APEH: variants seen among roughly 807,000 people sequenced by gnomAD.
The protein encoded by APEH is acylaminoacyl-peptide hydrolase.
APEH carries 75 observed loss-of-function variants against 102.7 expected under a neutral mutation model. The ratio of observed to expected loss-of-function variants is 0.73; its 90% CI spans 0.61 to 0.89. The LOEUF (loss-of-function observed/expected upper bound fraction) is 0.89, where lower values mean the gene tolerates loss of function less well. Ranked by LOEUF, APEH falls within the 40% of genes least tolerant of loss-of-function variation. APEH has a pLI of 0.00. For missense variants in APEH, 863 were observed against 941.2 expected (o/e 0.92, Z 1.09); for synonymous variants, 344 against 362.7 (o/e 0.95, Z 0.59).
chr3:49,683,452 T>G lies in APEH; in HGVS notation c.*110T>G. 1 of 904,882 alleles carries G rather than the reference T, an allele frequency of 1.1e-6. No individual in the cohort carries two copies. The highest frequency in any genetic ancestry group is 1.4e-5 in the South Asian group (1 of 71,484). The allele number at this position is 904,882 out of a possible 1,614,324, so 56.1% of individuals were successfully genotyped here. A position where few individuals can be genotyped will look rare whatever the true frequency, so the allele number is the denominator to read the frequency against. ...CTTTCTGGGCTCTGGACTCCACGGA[T>G]GCGTGGGCAGAGGAATGTGGGCTAT... On this transcript the variant is annotated 3_prime_UTR_variant, in exon 22 of 22. Coordinates refer to ENST00000296456, the MANE Select transcript of APEH (RefSeq NM_001640.4).
At chr3:49,680,719 T>C in intron 14 of APEH, 90 bp downstream of exon 14, 1 of 1,210,668 alleles carries the variant, frequency 8.3e-7, no homozygotes. Flanking sequence ...GAGTCTGACC[T>C]GGCTGGTCAG....
chr3:49,675,722 A>T lies in APEH; in HGVS notation c.301A>T (p.Thr101Ser). 6.2e-7 allele frequency: 1 copy of T among 1,614,022 alleles called. No individual in the cohort carries two copies. The highest frequency in any genetic ancestry group is 8.5e-7 in the Non-Finnish European group (1 of 1,179,996). The part of the protein sequence containing the change: ...ELLSRESPSG[T>S]MKAVLRKAGG... The stretch of plus-strand genomic sequence containing the variant: ...GCTGAGCAGAGAGTCTCCTTCAGGC[A>T]CCATGAAAGCTGTGCTGCGCAAGGC... The change falls in exon 4 of 22, where the codon ACC becomes TCC. Residue 101 changes from threonine to serine, a missense_variant. Thr to Ser is a moderately conservative substitution (Grantham distance 58). Coordinates refer to ENST00000296456, the MANE Select transcript of APEH (RefSeq NM_001640.4).
Position 49,674,471 on chromosome 3 carries a change from G to T in APEH, c.13-18G>T, listed in dbSNP as rs561579454. The T allele has an allele frequency of 5.1e-6, 8 of 1,570,852 alleles. No homozygotes were observed. In the South Asian group the frequency reaches 9.2e-5, roughly 18 times the overall value. On this transcript the variant is annotated intron_variant, in intron 1 of 21. Coordinates refer to ENST00000296456, the MANE Select transcript of APEH (RefSeq NM_001640.4). Reference sequence around the variant, plus strand: ...TGCAGCCCGGGCCGGGCCTGACCCTGGTGTGTCCCCTGCGCAGGTGCTGCT... The same window carrying T: ...TGCAGCCCGGGCCGGGCCTGACCCTTGTGTGTCCCCTGCGCAGGTGCTGCT...
intron 11 of APEH, 81 bp from the exon 12 acceptor site, chr3:49,678,771 C>A: frequency 8.2e-7 from 1 of 1,212,502 alleles, no homozygotes. Flanking sequence ...TGGGTGAATT[C>A]CCCAGTACCC....
Position 49,679,710 on chromosome 3 carries a change from G to C in APEH, c.1210+66G>C, listed in dbSNP as rs2053232452. On this transcript the variant is annotated intron_variant, in intron 13 of 21. Coordinates refer to ENST00000296456, the MANE Select transcript of APEH (RefSeq NM_001640.4). The surrounding 1 kb of genome is among the most constrained non-coding windows in gnomAD (Gnocchi z 4.3). ...TGAGCAAGCCAACCAGGCAGCGGGG[G>C]ACTGGAGCTCCAACATGTGGGGCAG... 1 of 1,514,258 alleles carries C rather than the reference G, an allele frequency of 6.6e-7. No individual in the cohort carries two copies. Among genetic ancestry groups the C allele is most frequent in the African/African-American group, 1.4e-5 (1 of 72,842 alleles). 93.8% of individuals were successfully genotyped at this position (1,514,258 alleles called of 1,614,324 possible). A position where few individuals can be genotyped will look rare whatever the true frequency, so the allele number is the denominator to read the frequency against.
intron 11 of APEH, 83 bp from the exon 12 acceptor site, chr3:49,678,769 T>C: frequency 5.9e-6 from 7 of 1,191,844 alleles, no homozygotes; most frequent in Non-Finnish European, 7.4e-6. Flanking sequence ...CCTGGGTGAA[T>C]TCCCCAGTAC....
Position 49,680,613 on chromosome 3 carries a change from G to C in APEH, c.1283G>C (p.Ser428Thr). The C allele has an allele frequency of 1.2e-6, 2 of 1,614,034 alleles. No homozygotes were observed. Among genetic ancestry groups the C allele is most frequent in the Non-Finnish European group, 1.7e-6 (2 of 1,179,996 alleles). ...ATGGTGGCACAGTTTTCCACACCCA[G>C]CCTACCTCCAACCCTGGTGAGTGTC... ...DLMVAQFSTPSLPPTLKVGFL... is the reference protein window; with the variant it reads ...DLMVAQFSTPTLPPTLKVGFL... Residue 428 changes from serine (S) to threonine (T), a missense_variant, in exon 14 of 22, where the codon AGC becomes ACC. Ser to Thr is a moderately conservative substitution (Grantham distance 58). Coordinates refer to ENST00000296456, the MANE Select transcript of APEH (RefSeq NM_001640.4).
chr3:49,678,791 T>C, intron 11 of APEH, 61 bp from the exon 12 acceptor site: 1 of 1,411,838 alleles, frequency 7.1e-7, no homozygotes, highest in Non-Finnish European at 1.0e-6. Context: ...CTAGCCTTCC[T>C]TGTAGACTAC....
chr3:49,678,447 T>C (rs1010406120), intron 11 of APEH, among the ~76,000 whole-genome samples: 3 of 152,010 alleles, frequency 2.0e-5, no homozygotes, highest in African/African-American at 7.3e-5. Context: ...TATTAAAGGG[T>C]AGGATTTACT....
At position 49,675,921 on chromosome 3, in the gene APEH, T is replaced by C. The variant is rs1375798916; in HGVS notation, c.397T>C (p.Phe133Leu). The C allele has an allele frequency of 6.2e-7, 1 of 1,613,996 alleles. No individual in the cohort carries two copies. The highest frequency in any genetic ancestry group is 8.5e-7 in the Non-Finnish European group (1 of 1,180,018). The change falls in exon 5 of 22, where the codon TTC (phenylalanine) becomes CTC (leucine). Residue 133 changes from phenylalanine to leucine, a missense_variant. By Grantham distance (22) the Phe-to-Leu change is conservative. Coordinates refer to ENST00000296456, the MANE Select transcript of APEH (RefSeq NM_001640.4). ...GGAGAAGAACCGGAAGCTCAAGAGC[T>C]TCAACCTGTCAGCGCTGGAGAAACA... ...VWEKNRKLKS[F>L]NLSALEKHGP...
rs1243633367 is a variant in APEH at position 49,674,572 on chromosome 3, C to T, written c.96C>T (p.Gly32=). The change falls in exon 2 of 22, where the codon GGC becomes GGT. Residue 32 remains glycine (G), a synonymous_variant. Coordinates refer to ENST00000296456, the MANE Select transcript of APEH (RefSeq NM_001640.4). ...RQPALSAACL[G]PEVTTQYGGQ... ...CCGCGCTGAGCGCCGCCTGCCTGGG[C>T]CCGGAGGTCACCACGCAGTACGGCG... The T allele has an allele frequency of 1.3e-6, 2 of 1,573,156 alleles. No individual in the cohort carries two copies. The highest frequency in any genetic ancestry group is 2.3e-5 in the East Asian group (1 of 43,956).
At chr3:49,673,903 A>C, upstream of APEH, 1 of 159,384 alleles carries the variant, frequency 6.3e-6, no homozygotes, top group South Asian at 1.6e-4. Flanking sequence ...CTTGCCCTTC[A>C]TCCTCAAAGA....
chr3:49,683,056 T>TA lies in APEH; in HGVS notation c.2004dup (p.Leu669ThrfsTer72). On this transcript the variant is annotated frameshift_variant, in exon 21 of 22. Transcript: ENST00000296456. LOFTEE classifies it high-confidence loss of function. The stretch of plus-strand genomic sequence containing the variant: ...AACACCCAGGTGAAGACACCACTGT[T>TA]ACTGATGTTGGGCCAGGAGGACCGG... 6.2e-7 allele frequency: 1 copy of TA among 1,613,982 alleles called. No individual in the cohort carries two copies. Among genetic ancestry groups the TA allele is most frequent in the Non-Finnish European group, 8.5e-7 (1 of 1,179,974 alleles).
In APEH at chr3:49,679,530, G is replaced by A. The variant is rs113639467; in HGVS notation, c.1159-63G>A. Reference sequence around the variant, plus strand: ...GAGGGTAGAGAGGAGGTAGGGGAGGGACCCATAGGTAGAGGGAGTACTCTT... The same window carrying A: ...GAGGGTAGAGAGGAGGTAGGGGAGGAACCCATAGGTAGAGGGAGTACTCTT... On this transcript the variant is annotated intron_variant, in intron 12 of 21. Transcript: ENST00000296456. This position sits in a 1 kb window ranked among gnomAD's most constrained non-coding sequence, Gnocchi z 4.3. 1.5e-5 allele frequency: 24 copies of A among 1,556,856 alleles called. 1 individual carries two copies. Among genetic ancestry groups the A allele is most frequent in the African/African-American group, 1.2e-4 (9 of 73,854 alleles).
At chr3:49,674,898 C>T (rs185839052) in intron 2 of APEH, among the ~76,000 whole-genome samples, 1 of 152,236 alleles carries the variant, frequency 6.6e-6, no homozygotes, top group East Asian at 1.9e-4. Context: ...TAGGGCTCTC[C>T]ACCAACACGC....
In APEH at chr3:49,683,554, C is replaced by A; in HGVS notation, c.*212C>A. 2 of 559,450 alleles carry A rather than the reference C, an allele frequency of 3.6e-6. No homozygotes were observed. The highest frequency in any genetic ancestry group is 6.4e-6 in the Non-Finnish European group (2 of 312,464). The allele number at this position is 559,450 out of a possible 1,614,324, so 34.7% of individuals were successfully genotyped here. A position where few individuals can be genotyped will look rare whatever the true frequency, so the allele number is the denominator to read the frequency against. ...CCAAACCATCCCCAACCCCACCTCCCACTCTGGGGTGCAGAGACCCTAGGT... is the reference window on the plus strand; with the variant it reads ...CCAAACCATCCCCAACCCCACCTCCAACTCTGGGGTGCAGAGACCCTAGGT... On this transcript the variant is annotated 3_prime_UTR_variant, in exon 22 of 22. Transcript: ENST00000296456.
chr3:49,673,725 C>G (rs1480071511), upstream of APEH, among the ~76,000 whole-genome samples: 1 of 152,148 alleles, frequency 6.6e-6, no homozygotes, highest in Non-Finnish European at 1.5e-5. Flanking sequence ...GTGGTGGACC[C>G]GAAGGAACCC....
Position 49,675,798 on chromosome 3 carries a change from A to C in APEH, c.366+11A>C. On this transcript the variant is annotated intron_variant, in intron 4 of 21. Coordinates refer to ENST00000296456, the MANE Select transcript of APEH (RefSeq NM_001640.4). Reference sequence around the variant, plus strand: ...AAGCAGTTCCTGGAGGTGAGTCTGCATGGGACCAGGTAGTGGGTGACAAGA... The same window carrying C: ...AAGCAGTTCCTGGAGGTGAGTCTGCCTGGGACCAGGTAGTGGGTGACAAGA... 1 of 1,613,692 alleles carries C rather than the reference A, an allele frequency of 6.2e-7. No homozygotes were observed. The highest frequency in any genetic ancestry group is 8.5e-7 in the Non-Finnish European group (1 of 1,179,622).
chr3:49,682,655 C>G lies in APEH; in HGVS notation c.1802C>G (p.Pro601Arg). ...TCCTGCCACTTGATTGGTCAGTACC[C>G]AGAGACCTACAGGGCCTGCGTGGCC... ...FISCHLIGQY[P>R]ETYRACVARN... The change falls in exon 19 of 22, where the codon CCA (proline) becomes CGA (arginine). Residue 601 changes from proline to arginine, a missense_variant. Transcript: ENST00000296456. The G allele has an allele frequency of 6.2e-7, 1 of 1,614,076 alleles. No homozygotes were observed.
Sources: allele counts gnomAD v4.1 joint callset (sites outside exome capture counted in the v4.1 genomes callset), GRCh38; gene constraint gnomAD v4.1.1; non-coding constraint Gnocchi (gnomAD v3.1); transcripts MANE v1.5; gene names NCBI Gene and HGNC (gene_info 2026-07-23, HGNC 2026-07-21).